The following ATF7IP2 variants were observed in gnomAD, a reference collection of about 807,000 sequenced individuals.
ATF7IP2 encodes the protein activating transcription factor 7-interacting protein 2.
ATF7IP2 carries 42 observed loss-of-function variants against 64.2 expected under a neutral mutation model. That is an observed-to-expected ratio of 0.65 (90% CI 0.51 to 0.85). The LOEUF is 0.85. Ranked by LOEUF, ATF7IP2 falls within the 40% of genes least tolerant of loss-of-function variation. The probability of loss-of-function intolerance (pLI) is 0.00; values close to 1 mark genes in which losing one functional copy is unlikely to be tolerated. For missense variants in ATF7IP2, 933 were observed against 784.2 expected (o/e 1.19, Z -2.27); for synonymous variants, 308 against 272.8 (o/e 1.13, Z -1.27).
At chr16:10,474,312 G>T in intron 12 of ATF7IP2, among the ~76,000 whole-genome samples, 1 of 145,184 alleles carries the variant, frequency 6.9e-6, no homozygotes, top group Admixed American at 7.1e-5. Context: ...CTTCTTCCGA[G>T]GGTCATCCAC....
intron 9 of ATF7IP2, among the ~76,000 whole-genome samples, chr16:10,462,321 T>A (rs1403111525): frequency 6.6e-6 from 1 of 152,058 alleles, no homozygotes; most frequent in Non-Finnish European, 1.5e-5. Flanking sequence ...TGTAGTTTCA[T>A]CTTTCCATCT....
chr16:10,395,855 G>A (rs1186766065), intron 1 of ATF7IP2, among the ~76,000 whole-genome samples: 1 of 151,974 alleles, frequency 6.6e-6, no homozygotes, highest in African/African-American at 2.4e-5. Context: ...GCTAATTCAG[G>A]AACAAGATGG....
chr16:10,474,083 T>C, intron 12 of ATF7IP2, 94 bp downstream of exon 12: 2 of 795,536 alleles, frequency 2.5e-6, no homozygotes, highest in Admixed American at 2.5e-5. Context: ...TGTTTTAATA[T>C]GTGAGTGTGC....
intron 9 of ATF7IP2, among the ~76,000 whole-genome samples, chr16:10,460,778 T>G (rs2049348672): frequency 6.6e-6 from 1 of 152,176 alleles, no homozygotes; most frequent in South Asian, 2.1e-4. Context: ...TTCATGAACT[T>G]GGATAGGGAA....
intron 1 of ATF7IP2, chr16:10,387,235 G>A (rs1267702074): frequency 1.3e-5 from 2 of 152,220 alleles, no homozygotes; most frequent in Non-Finnish European, 2.9e-5. Context: ...AATTGAAAAT[G>A]CAAAAATGAA....
At chr16:10,471,453 G>A (rs1044710882) in intron 9 of ATF7IP2, among the ~76,000 whole-genome samples, 1 of 152,028 alleles carries the variant, frequency 6.6e-6, no homozygotes, top group Non-Finnish European at 1.5e-5. Context: ...GCTTGAACCT[G>A]GGAGACAGAG....
chr16:10,418,448 A>G (rs117930985), intron 2 of ATF7IP2, among the ~76,000 whole-genome samples: 1,572 of 152,332 alleles, frequency 0.01, 20 homozygotes, highest in South Asian at 0.042. Context: ...GCAAGACGAT[A>G]GAAGCAAAGG....
chr16:10,458,564 C>T (rs1011418755), intron 9 of ATF7IP2, among the ~76,000 whole-genome samples: 4 of 152,072 alleles, frequency 2.6e-5, no homozygotes, highest in African/African-American at 7.2e-5. Context: ...GGTGAATGTG[C>T]GGATAGGTGT....
chr16:10,442,495 T>C (rs2048663132), intron 8 of ATF7IP2, among the ~76,000 whole-genome samples: 2 of 152,340 alleles, frequency 1.3e-5, no homozygotes, highest in South Asian at 4.1e-4. Context: ...CCAGTGGGAA[T>C]GAGTACCCTA....
At chr16:10,452,673 T>A (rs1027188479) in intron 8 of ATF7IP2, among the ~76,000 whole-genome samples, 1 of 152,338 alleles carries the variant, frequency 6.6e-6, no homozygotes, top group Non-Finnish European at 1.5e-5. Context: ...TTCAGAGTCC[T>A]GTCCGGCAGG....
intron 3 of ATF7IP2, among the ~76,000 whole-genome samples, chr16:10,421,161 T>G (rs1186061829): frequency 6.6e-6 from 1 of 152,170 alleles, no homozygotes; most frequent in Non-Finnish European, 1.5e-5. Context: ...TTCTCTGATT[T>G]CCTATCACAG....
At chr16:10,422,132 C>G (rs1441050792) in intron 3 of ATF7IP2, among the ~76,000 whole-genome samples, 2 of 152,154 alleles carry the variant, frequency 1.3e-5, no homozygotes, top group Admixed American at 6.5e-5. Flanking sequence ...GCTATGTGTC[C>G]TTTTTCTAAT....
intron 1 of ATF7IP2, among the ~76,000 whole-genome samples, chr16:10,391,138 C>CAG (rs1289939659): frequency 6.9e-6 from 1 of 144,658 alleles, no homozygotes; most frequent in African/African-American, 2.6e-5. Flanking sequence ...GCCTGGGCCA[C>CAG]AGAGAGAGAC....
intron 5 of ATF7IP2, among the ~76,000 whole-genome samples, chr16:10,432,833 G>A (rs1017747193): frequency 1.3e-5 from 2 of 152,080 alleles, no homozygotes; most frequent in East Asian, 3.9e-4. Flanking sequence ...AGCCAAGATC[G>A]TGCCACTTCA....
chr16:10,436,053 T>C (rs568274092), intron 6 of ATF7IP2, among the ~76,000 whole-genome samples: 2 of 152,150 alleles, frequency 1.3e-5, no homozygotes, highest in South Asian at 4.1e-4. Flanking sequence ...TAATAGGTAA[T>C]GGTCATCGGT....
chr16:10,421,111 A>G (rs1202707852), intron 3 of ATF7IP2, among the ~76,000 whole-genome samples: 2 of 152,112 alleles, frequency 1.3e-5, no homozygotes, highest in African/African-American at 2.4e-5. Flanking sequence ...GAGAGGGACA[A>G]TTTTTCCAGG....
intron 1 of ATF7IP2, among the ~76,000 whole-genome samples, chr16:10,410,444 G>A (rs1028352212): frequency 1.1e-4 from 17 of 152,142 alleles, no homozygotes; most frequent in Non-Finnish European, 4.4e-5. Context: ...TGCTGCTGGT[G>A]TATAGGAGAG....
intron 1 of ATF7IP2, among the ~76,000 whole-genome samples, chr16:10,413,976 A>C (rs2047821065): frequency 6.6e-6 from 1 of 152,146 alleles, no homozygotes; most frequent in South Asian, 2.1e-4. Context: ...GTTTTCCTTT[A>C]TAGATTACCT....
chr16:10,418,622 C>T (rs2047925520), intron 2 of ATF7IP2, among the ~76,000 whole-genome samples: 1 of 152,176 alleles, frequency 6.6e-6, no homozygotes, highest in South Asian at 2.1e-4. Context: ...GTCTGCAGCT[C>T]CTTCAAGCAC....
Sources: gnomAD v4.1 joint callset for allele counts (sites outside exome capture counted in the v4.1 genomes callset) on GRCh38, gnomAD v4.1.1 for gene constraint, MANE v1.5 for transcripts, NCBI Gene and HGNC (gene_info 2026-07-23, HGNC 2026-07-21) for gene names.